Variants in FGD3 observed in about 807,000 individuals in gnomAD.
FGD3 encodes FYVE, RhoGEF and PH domain-containing protein 3.
Under a neutral mutation model 71.8 loss-of-function variants are expected in FGD3, and 45 were observed. That is an observed-to-expected ratio of 0.63 (90% confidence interval 0.49 to 0.80). The LOEUF (loss-of-function observed/expected upper bound fraction) is 0.80. FGD3 is among the 30% of genes least tolerant of loss of function. FGD3 has a pLI of 0.00. For missense variants in FGD3, 844 were observed against 951.5 expected (o/e 0.89, Z 1.49); for synonymous variants, 378 against 392.8 (o/e 0.96, Z 0.44).
intron 16 of FGD3, chr9:93,034,056 G>T (rs2118849108): frequency 6.5e-6 from 1 of 152,954 alleles, no homozygotes; most frequent in Admixed American, 6.5e-5. Context: ...GGTCTGAGGG[G>T]TCCAGCTCTG....
chr9:93,015,025 GA>G lies in FGD3; in HGVS notation c.1183-711del, dbSNP rs1363106190. Among the ~76,000 whole-genome samples, 9 of 144,748 alleles carry G rather than the reference GA, an allele frequency of 6.2e-5. No individual in the cohort carries two copies. In the Admixed American group the frequency reaches 6.4e-4, roughly 10 times the overall value. The allele number at this position is 144,748 out of a possible 152,430, so 95.0% of individuals were successfully genotyped here. A position where few individuals can be genotyped will look rare whatever the true frequency, so the allele number is the denominator to read the frequency against. On this transcript the variant is annotated intron_variant, in intron 9 of 17. Transcript: ENST00000375482. Reference sequence around the variant, plus strand: ...GCGCTCGCCTGCCCTGGCAACCATGGATCTCTTCTCTGTTTCTAGAATTTTG... The same window carrying G: ...GCGCTCGCCTGCCCTGGCAACCATGGTCTCTTCTCTGTTTCTAGAATTTTG...
chr9:92,949,491 A>G (rs1858914409), intron 1 of FGD3, among the ~76,000 whole-genome samples: 1 of 152,102 alleles, frequency 6.6e-6, no homozygotes, highest in Non-Finnish European at 1.5e-5. Context: ...TCCCAAGCTC[A>G]TGAGCAACAG....
chr9:92,974,041 C>T (rs2118563490), intron 1 of FGD3, among the ~76,000 whole-genome samples: 1 of 152,346 alleles, frequency 6.6e-6, no homozygotes, highest in South Asian at 2.1e-4. Context: ...TCTCAGGGAC[C>T]ACAGTGTTTT....
chr9:92,960,197 T>G (rs1272250340), intron 1 of FGD3, among the ~76,000 whole-genome samples: 1 of 152,056 alleles, frequency 6.6e-6, no homozygotes, highest in Non-Finnish European at 1.5e-5. Flanking sequence ...CACATCCCCA[T>G]GTCTCCATGA....
chr9:93,013,787 G>T (rs1257692309), intron 8 of FGD3, 65 bp from the exon 9 acceptor site: 2 of 1,592,760 alleles, frequency 1.3e-6, no homozygotes, highest in South Asian at 1.1e-5. Flanking sequence ...GAAGGACTCC[G>T]TGCATCTCTA....
intron 12 of FGD3, 117 bp from the exon 13 acceptor site, chr9:93,020,200 G>T: frequency 1.1e-6 from 1 of 904,094 alleles, no homozygotes; most frequent in Non-Finnish European, 1.7e-6. Flanking sequence ...CAGTGGCCTG[G>T]GCATTGTTCT....
Position 93,035,388 on chromosome 9 carries a change from G to T in FGD3, c.1977G>T (p.Val659=). The T allele has an allele frequency of 6.2e-7, 1 of 1,611,070 alleles. No individual in the cohort carries two copies. Among genetic ancestry groups the T allele is most frequent in the Non-Finnish European group, 8.5e-7 (1 of 1,178,936 alleles). ...TIPLPSCKLS[V]PDPEERLDSG... is the part of the protein sequence containing the mutation. Reference sequence around the variant, plus strand: ...CTCTCCCCAGCTGCAAACTGAGTGTGCCGGACCCTGAGGAGAGGCTGGACT... The same window carrying T: ...CTCTCCCCAGCTGCAAACTGAGTGTTCCGGACCCTGAGGAGAGGCTGGACT... The change falls in exon 18 of 18, where the codon GTG becomes GTT. Residue 659 remains valine, a synonymous_variant. Coordinates refer to ENST00000375482, the MANE Select transcript of FGD3 (RefSeq NM_001083536.2).
intron 1 of FGD3, among the ~76,000 whole-genome samples, chr9:92,965,441 C>T (rs950482408): frequency 3.9e-5 from 6 of 152,216 alleles, no homozygotes; most frequent in African/African-American, 9.6e-5. Context: ...GCCCCAGAGC[C>T]GGGTGGGGCT....
intron 3 of FGD3, among the ~76,000 whole-genome samples, chr9:92,997,608 G>T (rs955068626): frequency 3.9e-5 from 6 of 152,166 alleles, no homozygotes; most frequent in Admixed American, 6.5e-5. Context: ...GCAGTGGCTG[G>T]TACCGGTTGT....
intron 1 of FGD3, among the ~76,000 whole-genome samples, chr9:92,953,542 T>A (rs1425370278): frequency 6.6e-6 from 1 of 152,194 alleles, no homozygotes; most frequent in Non-Finnish European, 1.5e-5. Flanking sequence ...ACTGTAGCAT[T>A]TTACACACAT....
rs115163128 is a variant in FGD3, at chr9:93,018,825, C to T, written c.1355+610C>T. On this transcript the variant is annotated intron_variant, in intron 11 of 17. Transcript: ENST00000375482. ...TCCTGTTCAGCAGGCCCAGCACGTTCTTAGTCCTCTCTTGAGTATCCTACG... is the reference window on the plus strand; with the variant it reads ...TCCTGTTCAGCAGGCCCAGCACGTTTTTAGTCCTCTCTTGAGTATCCTACG... 9.6e-3 allele frequency among the ~76,000 whole-genome samples: 1,463 copies of T among 152,280 alleles called. 23 individuals carry two copies. The highest frequency in any genetic ancestry group is 0.033 in the African/African-American group (1,388 of 41,542).
intron 9 of FGD3, among the ~76,000 whole-genome samples, chr9:93,015,443 C>T (rs150952598): frequency 6.6e-6 from 1 of 151,692 alleles, no homozygotes; most frequent in Non-Finnish European, 1.5e-5. Context: ...GCAACGAGAG[C>T]AAGACTCCAT....
intron 1 of FGD3, among the ~76,000 whole-genome samples, chr9:92,961,307 C>T (rs1018119986): frequency 6.6e-6 from 1 of 152,200 alleles, no homozygotes; most frequent in Admixed American, 6.5e-5. Flanking sequence ...AGGCACAGGG[C>T]CTTCTCTGCA....
At chr9:92,983,569 C>T (rs117757084) in intron 3 of FGD3, among the ~76,000 whole-genome samples, 2 of 152,242 alleles carry the variant, frequency 1.3e-5, no homozygotes, top group East Asian at 3.9e-4. Context: ...TTAGTGATAA[C>T]ATAGTAAGTT....
chr9:93,006,110 G>C lies in FGD3; in HGVS notation c.767G>C (p.Arg256Pro), dbSNP rs1427182830. 1.2e-6 allele frequency: 2 copies of C among 1,612,898 alleles called. No individual in the cohort carries two copies. Among genetic ancestry groups the C allele is most frequent in the African/African-American group, 1.3e-5 (1 of 74,834 alleles). ...MYGEYVKNFD[R>P]AVGLVSTWTQ... is the part of the protein sequence containing the mutation. ...GGCGAGTATGTCAAGAACTTTGACC[G>C]AGCCGTAGGGCTGGTGAGCACGTGG... Residue 256 changes from arginine (R) to proline (P), a missense_variant, in exon 6 of 18, where the codon CGA (arginine) becomes CCA (proline). Arg to Pro is a moderately radical substitution (Grantham distance 103, BLOSUM62 -2). Transcript: ENST00000375482.
At chr9:93,032,137 T>C (rs1862379855) in intron 15 of FGD3, among the ~76,000 whole-genome samples, 1 of 152,230 alleles carries the variant, frequency 6.6e-6, no homozygotes, top group Admixed American at 6.5e-5. Flanking sequence ...TTTTGGCTAT[T>C]GTGAATAACG....
At chr9:93,030,338 G>T (rs865925710) in intron 15 of FGD3, among the ~76,000 whole-genome samples, 47 of 152,272 alleles carry the variant, frequency 3.1e-4, no homozygotes, top group African/African-American at 1.1e-3. Context: ...ACGGGTGAAG[G>T]GTGTGGCTGT....
At chr9:93,030,580 G>C (rs764200697) in intron 15 of FGD3, among the ~76,000 whole-genome samples, 1 of 152,232 alleles carries the variant, frequency 6.6e-6, no homozygotes, top group Non-Finnish European at 1.5e-5. Flanking sequence ...TAGGTTAAGA[G>C]ATTAAAGTTG....
intron 15 of FGD3, among the ~76,000 whole-genome samples, chr9:93,030,206 G>A (rs921419614): frequency 6.6e-6 from 1 of 152,206 alleles, no homozygotes. Context: ...GGTCAGCTCT[G>A]GTGTTCAACA....
Sources: gnomAD v4.1 joint callset for allele counts (sites outside exome capture counted in the v4.1 genomes callset) on GRCh38, gnomAD v4.1.1 for gene constraint, MANE v1.5 for transcripts, NCBI Gene and HGNC (gene_info 2026-07-23, HGNC 2026-07-21) for gene names.